The following FHIP1A variants were observed in gnomAD, a reference collection of about 807,000 sequenced individuals.
FHIP1A encodes FHF complex subunit HOOK interacting protein 1A.
In FHIP1A, 61 loss-of-function variants were observed where a neutral mutation model predicts 88.6. That is an observed-to-expected ratio of 0.69 (90% CI 0.56 to 0.85). The LOEUF (loss-of-function observed/expected upper bound fraction) is 0.85, where lower values mean the gene tolerates loss of function less well. FHIP1A is among the 40% of genes least tolerant of loss of function. The pLI, the probability that FHIP1A is intolerant of heterozygous loss-of-function variation, is 0.00. For synonymous variants in FHIP1A, 478 were observed against 496.0 expected (o/e 0.96, Z 0.48); for missense variants, 1,154 against 1,273.5 (o/e 0.91, Z 1.43).
intron 3 of FHIP1A, among the ~76,000 whole-genome samples, chr4:151,525,572 C>T (rs1337825874): frequency 1.3e-5 from 2 of 152,092 alleles, no homozygotes; most frequent in African/African-American, 4.8e-5. Context: ...TTCAAATTAC[C>T]CAGATTTCTA....
At chr4:151,507,615 A>T (rs1730879901) in intron 3 of FHIP1A, among the ~76,000 whole-genome samples, 1 of 152,174 alleles carries the variant, frequency 6.6e-6, no homozygotes, top group Admixed American at 6.5e-5. Context: ...TCTTAGATGC[A>T]TATTGTATGT....
intron 3 of FHIP1A, among the ~76,000 whole-genome samples, chr4:151,548,338 C>T (rs1309958909): frequency 1.3e-5 from 2 of 152,064 alleles, no homozygotes; most frequent in Admixed American, 6.6e-5. Context: ...GCCTTTGAAC[C>T]AGAGTGACTC....
chr4:151,527,478 C>A (rs965723850), intron 3 of FHIP1A, among the ~76,000 whole-genome samples: 1 of 152,050 alleles, frequency 6.6e-6, no homozygotes, highest in East Asian at 1.9e-4. Flanking sequence ...GCAGCAGTAC[C>A]GTCCAGCTTC....
chr4:151,496,326 A>T (rs897849882), intron 3 of FHIP1A, among the ~76,000 whole-genome samples: 36 of 151,914 alleles, frequency 2.4e-4, no homozygotes, highest in Non-Finnish European at 4.9e-4. Flanking sequence ...AAAGCTTAAA[A>T]GCTTAAATAC....
At chr4:151,413,067 T>C (rs1257262081) in intron 1 of FHIP1A, among the ~76,000 whole-genome samples, 1 of 152,202 alleles carries the variant, frequency 6.6e-6, no homozygotes, top group African/African-American at 2.4e-5. Context: ...TATATGTGTA[T>C]GTGTAAGTGT....
intron 3 of FHIP1A, among the ~76,000 whole-genome samples, chr4:151,537,507 A>G (rs1371494955): frequency 6.6e-6 from 1 of 151,888 alleles, no homozygotes; most frequent in Non-Finnish European, 1.5e-5. Flanking sequence ...GTCCTTTTTC[A>G]AGTATGTGGT....
chr4:151,586,641 G>A lies in FHIP1A; in HGVS notation c.733G>A (p.Val245Ile). Residue 245 changes from valine to isoleucine, a missense_variant and splice_region_variant, in exon 6 of 14, where the codon GTA (valine) becomes ATA (isoleucine). Val to Ile is a conservative substitution (Grantham distance 29). Transcript: ENST00000435205. ...ATTTTGTTTTTATTTCTGAACACAG[G>A]TACTTGCAACTGGGCTCAGTGGTCT... Reference protein sequence around the residue: ...HIVENTYFCPVLATGLSGLYS... With the variant: ...HIVENTYFCPILATGLSGLYS... 1 of 1,538,438 alleles carries A rather than the reference G, an allele frequency of 6.5e-7. No individual in the cohort carries two copies. Among genetic ancestry groups the A allele is most frequent in the Non-Finnish European group, 8.8e-7 (1 of 1,136,920 alleles).
intron 2 of FHIP1A, among the ~76,000 whole-genome samples, chr4:151,480,150 C>A (rs1342247899): frequency 1.3e-5 from 2 of 152,024 alleles, no homozygotes; most frequent in Non-Finnish European, 2.9e-5. Flanking sequence ...TTCCACTTAA[C>A]CTTGCTTTCG....
chr4:151,582,577 C>T (rs1440916998), intron 5 of FHIP1A, among the ~76,000 whole-genome samples: 1 of 152,186 alleles, frequency 6.6e-6, no homozygotes, highest in Non-Finnish European at 1.5e-5. Flanking sequence ...AACTGCCACA[C>T]TATACTGCTG....
intron 2 of FHIP1A, among the ~76,000 whole-genome samples, chr4:151,477,901 T>C (rs1353567555): frequency 6.6e-6 from 1 of 152,174 alleles, no homozygotes; most frequent in African/African-American, 2.4e-5. Flanking sequence ...ATCTATAATA[T>C]GAAAATTTCA....
chr4:151,504,606 TG>T (rs1730765639), intron 3 of FHIP1A, among the ~76,000 whole-genome samples: 1 of 52,954 alleles, frequency 1.9e-5, no homozygotes, highest in Non-Finnish European at 4.5e-5. Flanking sequence ...TGTTATGTTA[TG>T]TCATGTTATG....
At chr4:151,612,124 C>T (rs1188527317) in intron 7 of FHIP1A, among the ~76,000 whole-genome samples, 2 of 152,164 alleles carry the variant, frequency 1.3e-5, no homozygotes, top group Non-Finnish European at 2.9e-5. Flanking sequence ...TCATGTCAAG[C>T]TTGGACCTAA....
At chr4:151,571,558 G>A (rs758628137) in intron 4 of FHIP1A, among the ~76,000 whole-genome samples, 6 of 152,134 alleles carry the variant, frequency 3.9e-5, no homozygotes, top group African/African-American at 7.2e-5. Flanking sequence ...CAAGTAGCCC[G>A]AATCTAAAGT....
intron 1 of FHIP1A, among the ~76,000 whole-genome samples, chr4:151,420,720 G>C (rs1733097987): frequency 6.6e-6 from 1 of 152,202 alleles, no homozygotes; most frequent in Admixed American, 6.5e-5. Flanking sequence ...TCCCTCCACT[G>C]TTCCTAGTGT....
rs1257992458 is a variant in FHIP1A, at chr4:151,665,593, A to T, written c.*2839A>T. On this transcript the variant is annotated 3_prime_UTR_variant, in exon 14 of 14. Transcript: ENST00000435205. ...ACATGCCAAAGAAAAACAGCAGAGA[A>T]CTGAGTCTATCCACGGGAGAAGAGC... Among the ~76,000 whole-genome samples the T allele has an allele frequency of 6.6e-6, 1 of 152,168 alleles. No homozygotes were observed. Among genetic ancestry groups the T allele is most frequent in the Non-Finnish European group, 1.5e-5 (1 of 68,032 alleles).
intron 3 of FHIP1A, among the ~76,000 whole-genome samples, chr4:151,557,850 T>C (rs1486521212): frequency 1.3e-5 from 2 of 152,178 alleles, no homozygotes; most frequent in East Asian, 3.8e-4. Flanking sequence ...GCTTTTTCTA[T>C]TGTAGGGTCT....
Position 151,617,193 on chromosome 4 carries a change from G to A in FHIP1A, c.979-12509G>A, listed in dbSNP as rs549306606. ...GGAGTCAGAGAGAGGCCAGAAGTAC[G>A]CTGCTAGGAGATTCTGCATGTGGGA... is the stretch of plus-strand genomic sequence containing the variant. On this transcript the variant is annotated intron_variant, in intron 7 of 13. Transcript: ENST00000435205. 8.5e-5 allele frequency among the ~76,000 whole-genome samples: 13 copies of A among 152,250 alleles called. No individual in the cohort carries two copies. The East Asian group carries it at 1.5e-3, about 18-fold the overall frequency.
intron 1 of FHIP1A, among the ~76,000 whole-genome samples, chr4:151,440,832 C>G (rs992781974): frequency 6.6e-6 from 1 of 152,180 alleles, no homozygotes; most frequent in Non-Finnish European, 1.5e-5. Flanking sequence ...TTCCTTATTG[C>G]TTCCAAGCAA....
chr4:151,442,543 C>T (rs2126562709), intron 1 of FHIP1A, among the ~76,000 whole-genome samples: 1 of 152,140 alleles, frequency 6.6e-6, no homozygotes, highest in African/African-American at 2.4e-5. Context: ...TTATACATGC[C>T]AGCATTGACA....
Sources: allele counts gnomAD v4.1 joint callset (sites outside exome capture counted in the v4.1 genomes callset), GRCh38; gene constraint gnomAD v4.1.1; transcripts MANE v1.5; gene names NCBI Gene and HGNC (gene_info 2026-07-23, HGNC 2026-07-21).